The following NRG1 variants were observed in gnomAD, a reference collection of about 807,000 sequenced individuals.
The protein encoded by NRG1 is neuregulin 1, also known as pro-neuregulin-1, membrane-bound isoform.
In NRG1, 18 loss-of-function variants were observed where a neutral mutation model predicts 63.8. The ratio of observed to expected loss-of-function variants is 0.28; its 90% CI spans 0.19 to 0.42. The LOEUF (loss-of-function observed/expected upper bound fraction) is 0.42. Among genes scored for constraint, NRG1 ranks in the 10% least tolerant of loss-of-function variants. The probability of loss-of-function intolerance (pLI) is 1.00; values close to 1 mark genes in which losing one functional copy is unlikely to be tolerated. For missense variants in NRG1, 762 were observed against 814.7 expected, an observed-to-expected ratio of 0.94 and a Z score of 0.79; for synonymous variants, 302 against 301.3, an observed-to-expected ratio of 1.00 and a Z score of -0.02.
intron 1 of NRG1, among the ~76,000 whole-genome samples, chr8:32,559,015 G>T (rs1002955585): frequency 6.7e-6 from 1 of 148,622 alleles, no homozygotes; most frequent in African/African-American, 2.5e-5. Context: ...GGAGGTTGAG[G>T]CTGTGGTGGG....
rs193120163 is a variant in NRG1 at position 32,638,557 on chromosome 8, G to A, written c.502+21672G>A. On this transcript the variant is annotated intron_variant, in intron 5 of 11. Coordinates refer to ENST00000356819, the Ensembl canonical transcript of NRG1. Reference sequence around the variant, plus strand: ...TGCCTAGGCTGGTCTCGGACTCCTGGCCTCAGGCAATCCTCCTGCCTCATC... The same window carrying A: ...TGCCTAGGCTGGTCTCGGACTCCTGACCTCAGGCAATCCTCCTGCCTCATC... Among the ~76,000 whole-genome samples the A allele has an allele frequency of 7.7e-3, 1,176 of 152,144 alleles. 6 individuals carry two copies. Among genetic ancestry groups the A allele is most frequent in the Middle Eastern group, 0.024 (7 of 294 alleles).
chr8:32,520,474 A>G (rs1382357373), intron 1 of NRG1, among the ~76,000 whole-genome samples: 1 of 152,124 alleles, frequency 6.6e-6, no homozygotes, highest in Non-Finnish European at 1.5e-5. Flanking sequence ...CAGGTTCTTT[A>G]CCTGTACAAT....
chr8:32,268,372 T>TA (rs1490974543), intron 1 of NRG1, among the ~76,000 whole-genome samples: 1 of 152,242 alleles, frequency 6.6e-6, no homozygotes, highest in Non-Finnish European at 1.5e-5. Context: ...TGAACATACT[T>TA]ACTAAAAAAG....
intron 1 of NRG1, among the ~76,000 whole-genome samples, chr8:32,072,274 C>T (rs1239093745): frequency 2.0e-5 from 3 of 149,438 alleles, no homozygotes; most frequent in Admixed American, 6.6e-5. Context: ...AACCCAAAAC[C>T]TTGTGATTGA....
chr8:31,763,983 G>A (rs1303189945), intron 1 of NRG1, among the ~76,000 whole-genome samples: 1 of 143,022 alleles, frequency 7.0e-6, no homozygotes, highest in Non-Finnish European at 1.5e-5. Context: ...TCCAGCCTGG[G>A]TGACAGAGCA....
chr8:32,140,219 T>G (rs1390920671), intron 1 of NRG1, among the ~76,000 whole-genome samples: 1 of 152,134 alleles, frequency 6.6e-6, no homozygotes, highest in South Asian at 2.1e-4. Flanking sequence ...TACTTGCACA[T>G]CTCTTTAATG....
intron 1 of NRG1, among the ~76,000 whole-genome samples, chr8:32,085,113 G>A (rs1828025533): frequency 6.6e-6 from 1 of 152,170 alleles, no homozygotes; most frequent in Non-Finnish European, 1.5e-5. Context: ...AGAAATATCT[G>A]TAATTATTGC....
intron 1 of NRG1, among the ~76,000 whole-genome samples, chr8:32,573,579 A>C (rs920358880): frequency 2.0e-5 from 3 of 152,160 alleles, no homozygotes; most frequent in African/African-American, 7.2e-5. Flanking sequence ...TCTTTTCATT[A>C]GGAATCTGAG....
intron 1 of NRG1, among the ~76,000 whole-genome samples, chr8:32,595,086 G>T (rs1843122427): frequency 2.6e-5 from 4 of 152,210 alleles, no homozygotes; most frequent in Admixed American, 2.6e-4. Flanking sequence ...TGGATGTGAT[G>T]CTTCCTGCGC....
At chr8:32,502,633 C>T (rs1468389332) in intron 1 of NRG1, among the ~76,000 whole-genome samples, 2 of 151,128 alleles carry the variant, frequency 1.3e-5, no homozygotes, top group East Asian at 4.0e-4. Flanking sequence ...TTTAAATGAC[C>T]TCTAAACTAC....
chr8:31,659,503 C>A (rs1805760164), intron 1 of NRG1, among the ~76,000 whole-genome samples: 1 of 152,074 alleles, frequency 6.6e-6, no homozygotes. Context: ...GGGATACCTC[C>A]TTTCTGAACC....
intron 1 of NRG1, among the ~76,000 whole-genome samples, chr8:32,490,694 T>C (rs1826452198): frequency 6.6e-6 from 1 of 152,194 alleles, no homozygotes; most frequent in Non-Finnish European, 1.5e-5. Context: ...AAATCATTTG[T>C]CTCAAGAAAT....
intron 1 of NRG1, among the ~76,000 whole-genome samples, chr8:32,130,267 A>C (rs1196540824): frequency 1.3e-5 from 2 of 151,998 alleles, no homozygotes; most frequent in African/African-American, 4.8e-5. Context: ...CTACATGAAA[A>C]AAAGCAAATG....
At chr8:31,896,259 T>C (rs1831570917) in intron 1 of NRG1, among the ~76,000 whole-genome samples, 1 of 152,194 alleles carries the variant, frequency 6.6e-6, no homozygotes, top group African/African-American at 2.4e-5. Context: ...CATTCATGTT[T>C]TATTATGTAT....
intron 1 of NRG1, among the ~76,000 whole-genome samples, chr8:31,765,195 A>G (rs369390642): frequency 2.4e-4 from 36 of 152,174 alleles, no homozygotes; most frequent in African/African-American, 6.7e-4. Flanking sequence ...TTGCAACCTT[A>G]CTGAACTCAC....
In NRG1 at chr8:32,286,407, A is replaced by T. The variant is rs189970225; in HGVS notation, c.38-309421A>T. ...CACTCCTATGTTTTCCCATTGGCTGACTATCAGCCAGGGCTGCAGTGATGA... is the reference window on the plus strand; with the variant it reads ...CACTCCTATGTTTTCCCATTGGCTGTCTATCAGCCAGGGCTGCAGTGATGA... On this transcript the variant is annotated intron_variant, in intron 1 of 10. Transcript: ENST00000519301. Among the ~76,000 whole-genome samples the T allele has an allele frequency of 4.6e-3, 704 of 152,300 alleles. 3 individuals carry two copies. The highest frequency in any genetic ancestry group is 6.3e-3 in the Non-Finnish European group (429 of 68,018).
At chr8:32,141,114 T>G (rs1836195019) in intron 1 of NRG1, among the ~76,000 whole-genome samples, 1 of 152,178 alleles carries the variant, frequency 6.6e-6, no homozygotes, top group Admixed American at 6.5e-5. Context: ...CCTTCTCATC[T>G]AATTCTTAGG....
intron 1 of NRG1, among the ~76,000 whole-genome samples, chr8:32,261,306 C>T (rs1166439738): frequency 7.9e-5 from 12 of 151,710 alleles, no homozygotes; most frequent in South Asian, 2.1e-4. Context: ...TGTGTTACTA[C>T]ATGATGATTT....
chr8:32,745,569 T>C (rs1224670023), intron 7 of NRG1, among the ~76,000 whole-genome samples: 1 of 152,176 alleles, frequency 6.6e-6, no homozygotes, highest in East Asian at 1.9e-4. Flanking sequence ...TTTATAGTAC[T>C]TTCTAGGAAA....
Sources: allele counts gnomAD v4.1 joint callset (sites outside exome capture counted in the v4.1 genomes callset), GRCh38; gene constraint gnomAD v4.1.1; transcripts MANE v1.5; gene names NCBI Gene and HGNC (gene_info 2026-07-23, HGNC 2026-07-21).